The following NPAS1 variants were observed in gnomAD, a reference collection of about 807,000 sequenced individuals.
The protein encoded by NPAS1 is neuronal PAS domain protein 1, also known as neuronal PAS domain-containing protein 1.
In NPAS1, 29 loss-of-function variants were observed where a neutral mutation model predicts 49.2. That is an observed-to-expected ratio of 0.59 (90% confidence interval 0.44 to 0.80). NPAS1 has a LOEUF of 0.80. Ranked by LOEUF, NPAS1 falls within the 30% of genes least tolerant of loss-of-function variation. NPAS1 has a pLI of 0.00. For synonymous variants in NPAS1, 408 were observed against 380.4 expected, an observed-to-expected ratio of 1.07 and a Z score of -0.84; for missense variants, 825 against 835.5, an observed-to-expected ratio of 0.99 and a Z score of 0.15.
At chr19:47,040,813 C>G in intron 9 of NPAS1, 165 bp from the exon 10 acceptor site, 1 of 670,732 alleles carries the variant, frequency 1.5e-6, no homozygotes, top group Non-Finnish European at 2.5e-6. Context: ...CTCTCAGTCT[C>G]TCTGACTCTG....
chr19:47,028,454 T>G (rs2056887545), intron 3 of NPAS1, among the ~76,000 whole-genome samples: 1 of 152,008 alleles, frequency 6.6e-6, no homozygotes, highest in African/African-American at 2.4e-5. Context: ...GGGGCGGGGT[T>G]TCGCCGCCTG....
Position 47,021,908 on chromosome 19 carries a change from A to G in NPAS1, c.358+61A>G. ...CCTCCAGGCGGAGTCACTGCAGCCCAGATCCGGGCTGCGGGCCTGCCCTCG... is the reference window on the plus strand; with the variant it reads ...CCTCCAGGCGGAGTCACTGCAGCCCGGATCCGGGCTGCGGGCCTGCCCTCG... On this transcript the variant is annotated intron_variant, in intron 3 of 11. Coordinates refer to ENST00000602212, the MANE Select transcript of NPAS1 (RefSeq NM_002517.4). The surrounding 1 kb of genome is among the most constrained non-coding windows in gnomAD (Gnocchi z 5.7). The G allele has an allele frequency of 2.7e-6, 3 of 1,130,466 alleles. No individual in the cohort carries two copies. Among genetic ancestry groups the G allele is most frequent in the Non-Finnish European group, 3.5e-6 (3 of 850,050 alleles). The allele number at this position is 1,130,466 out of a possible 1,614,324, so 70.0% of individuals were successfully genotyped here.
rs1052475761 is a variant in NPAS1, at chr19:47,025,300, C to T, written c.358+3453C>T. On this transcript the variant is annotated intron_variant, in intron 3 of 11. Transcript: ENST00000602212. ...ACATCTTTATTTATTTATTTATAGACGGAGTTTTGCTCTTGTTGCCCAGGC... is the reference window on the plus strand; with the variant it reads ...ACATCTTTATTTATTTATTTATAGATGGAGTTTTGCTCTTGTTGCCCAGGC... Among the ~76,000 whole-genome samples, 19 of 134,032 alleles carry T rather than the reference C, an allele frequency of 1.4e-4. 2 individuals are homozygous for T. The highest frequency in any genetic ancestry group is 7.8e-4 in the East Asian group (3 of 3,854). The allele number at this position is 134,032 out of a possible 152,430, so 87.9% of individuals were successfully genotyped here. A position where few individuals can be genotyped will look rare whatever the true frequency, so the allele number is the denominator to read the frequency against.
intron 6 of NPAS1, among the ~76,000 whole-genome samples, chr19:47,038,526 A>AG (rs1392521907): frequency 6.6e-6 from 1 of 151,920 alleles, no homozygotes; most frequent in African/African-American, 2.4e-5. Flanking sequence ...AAAAAAAAAA[A>AG]AAAAAAAGAC....
At chr19:47,032,420 G>A in intron 4 of NPAS1, 69 bp downstream of exon 4, 1 of 1,504,550 alleles carries the variant, frequency 6.6e-7, no homozygotes, top group Non-Finnish European at 9.2e-7. Context: ...GAGAACAGCA[G>A]CCTCTTCAGC....
At chr19:47,040,269 C>A (rs957278417) in intron 8 of NPAS1, among the ~76,000 whole-genome samples, 175 bp from the exon 9 acceptor site, 1 of 152,112 alleles carries the variant, frequency 6.6e-6, no homozygotes, top group Admixed American at 6.5e-5. Context: ...GTGATCCACA[C>A]GCCTCAGCCT....
Position 47,035,993 on chromosome 19 carries a change from C to T in NPAS1, c.552C>T (p.Asp184=). The change falls in exon 6 of 12, where the codon GAC becomes GAT. Residue 184 remains aspartate, a synonymous_variant. Transcript: ENST00000602212. ...AGATGACGGGCAGCAGCGTCTTCGA[C>T]TACATTCACCCTGGGGACCACTCAG... The part of the protein sequence containing the change: ...QVEMTGSSVF[D]YIHPGDHSEV... 1.3e-6 allele frequency: 2 copies of T among 1,547,966 alleles called. No individual in the cohort carries two copies. The highest frequency in any genetic ancestry group is 1.7e-6 in the Non-Finnish European group (2 of 1,148,774).
chr19:47,041,685 C>A (rs2057022812), intron 10 of NPAS1, among the ~76,000 whole-genome samples: 1 of 152,188 alleles, frequency 6.6e-6, no homozygotes, highest in Non-Finnish European at 1.5e-5. Flanking sequence ...TTTAGAAAGA[C>A]TGCTCTAGAC....
chr19:47,041,017 G>T lies in NPAS1; in HGVS notation c.1109G>T (p.Trp370Leu). 1 of 1,552,200 alleles carries T rather than the reference G, an allele frequency of 6.4e-7. No individual in the cohort carries two copies. Among genetic ancestry groups the T allele is most frequent in the East Asian group, 2.3e-5 (1 of 43,588 alleles). Reference protein sequence around the residue: ...KGQVMTGYYRWLQRAGGFVWL... With the variant: ...KGQVMTGYYRLLQRAGGFVWL... Reference sequence around the variant, plus strand: ...CAGGTGATGACTGGTTACTACCGTTGGCTGCAGCGTGCCGGGGGCTTCGTG... The same window carrying T: ...CAGGTGATGACTGGTTACTACCGTTTGCTGCAGCGTGCCGGGGGCTTCGTG... The change falls in exon 10 of 12, where the codon TGG becomes TTG. Residue 370 changes from tryptophan to leucine, a missense_variant. Physicochemically the swap from Trp to Leu is moderately conservative, Grantham distance 61. Transcript: ENST00000602212.
At chr19:47,025,806 A>G (rs2056867654) in intron 3 of NPAS1, among the ~76,000 whole-genome samples, 1 of 151,770 alleles carries the variant, frequency 6.6e-6, no homozygotes, top group South Asian at 2.1e-4. Flanking sequence ...CATTCCTGGG[A>G]TCAAGTGATT....
intron 3 of NPAS1, among the ~76,000 whole-genome samples, chr19:47,026,947 C>T (rs1029002358): frequency 9.5e-5 from 14 of 147,328 alleles, no homozygotes; most frequent in Admixed American, 2.7e-4. Flanking sequence ...TGCTAGATGC[C>T]GTCTCAAAAA....
At position 47,019,900 on chromosome 19, in the gene NPAS1, C is replaced by T. The variant is rs2056827746; in HGVS notation, c.-140C>T. 1 of 373,132 alleles carries T rather than the reference C, an allele frequency of 2.7e-6. No individual in the cohort carries two copies. The highest frequency in any genetic ancestry group is 4.6e-5 in the Admixed American group (1 of 21,738). The allele number at this position is 373,132 out of a possible 1,614,324, so 23.1% of individuals were successfully genotyped here. Reference sequence around the variant, plus strand: ...GCGTCCCGCTGCGCCCCGCGCGCCCCGGGGTCTATGGAGCTGCCCCTCCGC... The same window carrying T: ...GCGTCCCGCTGCGCCCCGCGCGCCCTGGGGTCTATGGAGCTGCCCCTCCGC... On this transcript the variant is annotated 5_prime_UTR_variant, in exon 1 of 12. Coordinates refer to ENST00000602212, the MANE Select transcript of NPAS1 (RefSeq NM_002517.4).
Position 47,021,873 on chromosome 19 carries a change from G to A in NPAS1, c.358+26G>A. ...GTGAGTGCTCATGCGCGGGGCGAGG[G>A]TCCCGGGGCCCTCCAGGCGGAGTCA... On this transcript the variant is annotated intron_variant, in intron 3 of 11. Transcript: ENST00000602212. The surrounding 1 kb of genome is among the most constrained non-coding windows in gnomAD (Gnocchi z 5.7). 1 of 1,375,424 alleles carries A rather than the reference G, an allele frequency of 7.3e-7. No individual in the cohort carries two copies. The highest frequency in any genetic ancestry group is 9.5e-7 in the Non-Finnish European group (1 of 1,057,660). The allele number at this position is 1,375,424 out of a possible 1,614,324, so 85.2% of individuals were successfully genotyped here.
At chr19:47,034,281 T>G (rs982247582) in intron 5 of NPAS1, among the ~76,000 whole-genome samples, 6 of 122,120 alleles carry the variant, frequency 4.9e-5, no homozygotes, top group South Asian at 2.5e-4. Context: ...GGCATTGCAC[T>G]CCAGCCTGGG....
rs149392096 is a variant in NPAS1 at position 47,038,420 on chromosome 19, G to A, written c.689-616G>A. On this transcript the variant is annotated intron_variant, in intron 6 of 11. Transcript: ENST00000602212. Reference sequence around the variant, plus strand: ...TAATTCCAGCTACTCAGGAAGCTGAGGCAGGAGAATCACTTGAACTGGGGA... The same window carrying A: ...TAATTCCAGCTACTCAGGAAGCTGAAGCAGGAGAATCACTTGAACTGGGGA... 5.0e-3 allele frequency among the ~76,000 whole-genome samples: 709 copies of A among 141,898 alleles called. 3 individuals carry two copies. The highest frequency in any genetic ancestry group is 0.016 in the African/African-American group (668 of 40,628). 93.1% of individuals were successfully genotyped at this position (141,898 alleles called of 152,430 possible). A position where few individuals can be genotyped will look rare whatever the true frequency, so the allele number is the denominator to read the frequency against.
chr19:47,042,846 C>T lies in NPAS1; in HGVS notation c.1254C>T (p.Phe418=), dbSNP rs765509734. ...AEGGQTPLDA[F]QLPASVACEE... is the part of the protein sequence containing the mutation. Reference sequence around the variant, plus strand: ...GTGGCCAAACTCCTTTGGATGCCTTCCAGCTTCCAGCCAGCGTGGCCTGTG... The same window carrying T: ...GTGGCCAAACTCCTTTGGATGCCTTTCAGCTTCCAGCCAGCGTGGCCTGTG... Residue 418 remains phenylalanine, a synonymous_variant, in exon 11 of 12, where the codon TTC becomes TTT. Coordinates refer to ENST00000602212, the MANE Select transcript of NPAS1 (RefSeq NM_002517.4). 11 of 1,606,380 alleles carry T rather than the reference C, an allele frequency of 6.8e-6. No homozygotes were observed. The highest frequency in any genetic ancestry group is 1.7e-5 in the Admixed American group (1 of 59,092).
At chr19:47,029,202 C>G (rs1461745483) in intron 3 of NPAS1, among the ~76,000 whole-genome samples, 1 of 151,784 alleles carries the variant, frequency 6.6e-6, no homozygotes, top group Admixed American at 6.6e-5. Context: ...CTGCCTCAGC[C>G]TCCAGAGTAG....
intron 8 of NPAS1, 103 bp downstream of exon 8, chr19:47,039,667 G>T: frequency 7.9e-7 from 1 of 1,259,542 alleles, no homozygotes; most frequent in Non-Finnish European, 1.1e-6. Flanking sequence ...ATAGGGCACT[G>T]GGGAGCCATG....
At position 47,021,941 on chromosome 19, in the gene NPAS1, G is replaced by A. The variant is rs2056845158; in HGVS notation, c.358+94G>A. The A allele has an allele frequency of 3.8e-6, 3 of 792,862 alleles. No homozygotes were observed. Among genetic ancestry groups the A allele is most frequent in the Non-Finnish European group, 3.7e-6 (2 of 546,620 alleles). The allele number at this position is 792,862 out of a possible 1,614,324, so 49.1% of individuals were successfully genotyped here. ...GCTGCGGGCCTGCCCTCGCCCAGATGCTTGTCTCTGGAGTCAGCCAGGACC... is the reference window on the plus strand; with the variant it reads ...GCTGCGGGCCTGCCCTCGCCCAGATACTTGTCTCTGGAGTCAGCCAGGACC... On this transcript the variant is annotated intron_variant, in intron 3 of 11. Coordinates refer to ENST00000602212, the MANE Select transcript of NPAS1 (RefSeq NM_002517.4). The surrounding 1 kb of genome is among the most constrained non-coding windows in gnomAD (Gnocchi z 5.7).
Sources: gnomAD v4.1 joint callset for allele counts (sites outside exome capture counted in the v4.1 genomes callset) on GRCh38, gnomAD v4.1.1 for gene constraint, Gnocchi (gnomAD v3.1) non-coding constraint, MANE v1.5 for transcripts, NCBI Gene and HGNC (gene_info 2026-07-23, HGNC 2026-07-21) for gene names.